Variants in ARHGAP35 observed in about 807,000 individuals in gnomAD.
ARHGAP35 encodes the protein Rho GTPase activating protein 35.
Under a neutral mutation model 111.1 loss-of-function variants are expected in ARHGAP35, and 15 were observed. That is an observed-to-expected ratio of 0.13 (90% CI 0.09 to 0.21). The LOEUF is 0.21. Among genes scored for constraint, ARHGAP35 ranks in the 10% least tolerant of loss-of-function variants. The pLI is 1.00. For missense variants in ARHGAP35, 1,262 were observed against 1,873.0 expected (o/e 0.67, Z 6.02); for synonymous variants, 643 against 710.3 (o/e 0.91, Z 1.51).
In ARHGAP35 at chr19:46,926,037, G is replaced by T. The variant is rs2056235999; in HGVS notation, c.3681+3681G>T. Among the ~76,000 whole-genome samples, 2 of 152,188 alleles carry T rather than the reference G, an allele frequency of 1.3e-5. No individual in the cohort carries two copies. Among genetic ancestry groups the T allele is most frequent in the Non-Finnish European group, 2.9e-5 (2 of 68,028 alleles). ...ACATTATCCGTCCCGTCTTTTGGAAGTTTTAACCTCATGCATTACTGAGCT... is the reference window on the plus strand; with the variant it reads ...ACATTATCCGTCCCGTCTTTTGGAATTTTTAACCTCATGCATTACTGAGCT... On this transcript the variant is annotated intron_variant, in intron 2 of 6. Coordinates refer to ENST00000672722, the MANE Select transcript of ARHGAP35 (RefSeq NM_004491.5). The surrounding 1 kb of genome is among the most constrained non-coding windows in gnomAD (Gnocchi z 4.1).
At chr19:46,863,029 C>T (rs1174611132) in intron 1 of ARHGAP35, among the ~76,000 whole-genome samples, 3 of 151,832 alleles carry the variant, frequency 2.0e-5, no homozygotes, top group African/African-American at 2.4e-5. Flanking sequence ...TTCTGTTCCT[C>T]TTGGACTTGT....
intron 1 of ARHGAP35, among the ~76,000 whole-genome samples, chr19:46,864,227 C>A (rs750618628): frequency 1.3e-5 from 2 of 152,090 alleles, no homozygotes; most frequent in Non-Finnish European, 2.9e-5. Context: ...CATTCCTGAG[C>A]GATTTTCTTT....
chr19:46,923,550 T>C (rs1188717484), intron 2 of ARHGAP35, among the ~76,000 whole-genome samples: 1 of 152,086 alleles, frequency 6.6e-6, no homozygotes, highest in Non-Finnish European at 1.5e-5. Flanking sequence ...TTTTCTTTTT[T>C]TTTTCCATTT....
intron 3 of ARHGAP35, among the ~76,000 whole-genome samples, chr19:46,967,280 G>T (rs549979256): frequency 2.5e-4 from 38 of 152,174 alleles, no homozygotes; most frequent in African/African-American, 9.2e-4. Context: ...AGCCCTCACC[G>T]TTACCATTTG....
chr19:46,867,660 T>A (rs1568456827), intron 1 of ARHGAP35, among the ~76,000 whole-genome samples: 2 of 152,332 alleles, frequency 1.3e-5, no homozygotes, highest in Non-Finnish European at 1.5e-5. Context: ...GCCTCTTATA[T>A]TATCTTTGAT....
chr19:46,962,284 A>G (rs1599849864), intron 3 of ARHGAP35, among the ~76,000 whole-genome samples: 1 of 152,254 alleles, frequency 6.6e-6, no homozygotes, highest in Non-Finnish European at 1.5e-5. Context: ...CTGTCTTGCC[A>G]TATGAGCAGC....
rs2056315017 is a variant in ARHGAP35, at chr19:46,937,279, C to T, written c.3697C>T (p.Pro1233Ser). 1.2e-6 allele frequency: 2 copies of T among 1,613,828 alleles called. No individual in the cohort carries two copies. Among genetic ancestry groups the T allele is most frequent in the Non-Finnish European group, 1.7e-6 (2 of 1,179,758 alleles). ...RRNTKKPKPK[P>S]RPSITKATWE... ...TCCTGGACAGAAACCAAAGCCCAAA[C>T]CCCGGCCATCCATCACAAAGGCAAC... Residue 1233 changes from proline to serine, a missense_variant, in exon 3 of 7, where the codon CCC becomes TCC. Pro to Ser is a moderately conservative substitution (Grantham distance 74). Coordinates refer to ENST00000672722, the MANE Select transcript of ARHGAP35 (RefSeq NM_004491.5).
intron 1 of ARHGAP35, among the ~76,000 whole-genome samples, chr19:46,909,808 T>C (rs961225263): frequency 2.0e-5 from 3 of 152,176 alleles, no homozygotes; most frequent in African/African-American, 7.2e-5. Context: ...TCTTCCTGTG[T>C]TGCCCAGGCT....
intron 1 of ARHGAP35, among the ~76,000 whole-genome samples, chr19:46,911,356 T>G (rs1416994142): frequency 6.6e-6 from 1 of 152,222 alleles, no homozygotes; most frequent in African/African-American, 2.4e-5. Flanking sequence ...ATATTGTATC[T>G]CAAGTAAATT....
At chr19:46,904,586 T>C (rs2056096358) in intron 1 of ARHGAP35, among the ~76,000 whole-genome samples, 1 of 152,170 alleles carries the variant, frequency 6.6e-6, no homozygotes, top group Non-Finnish European at 1.5e-5. Context: ...CAAAGGAGCA[T>C]CTCACACCAC....
intron 2 of ARHGAP35, among the ~76,000 whole-genome samples, chr19:46,928,171 T>C (rs1001371792): frequency 6.6e-6 from 1 of 152,198 alleles, no homozygotes; most frequent in Non-Finnish European, 1.5e-5. Context: ...AGTGTGTTTT[T>C]GGTGATAAAA....
At chr19:46,936,714 T>C (rs2056309657) in intron 2 of ARHGAP35, among the ~76,000 whole-genome samples, 1 of 152,184 alleles carries the variant, frequency 6.6e-6, no homozygotes, top group Non-Finnish European at 1.5e-5. Context: ...ATAAACATCT[T>C]TGTTCTAATA....
intron 3 of ARHGAP35, among the ~76,000 whole-genome samples, chr19:46,976,597 C>T (rs2056581234): frequency 6.6e-6 from 1 of 152,274 alleles, no homozygotes; most frequent in African/African-American, 2.4e-5. Context: ...GTCCCGGCTG[C>T]ACTCGCCTTC....
rs375420180 is a variant in ARHGAP35 at position 46,937,283 on chromosome 19, G to A, written c.3701G>A (p.Arg1234Gln). 24 of 1,613,646 alleles carry A rather than the reference G, an allele frequency of 1.5e-5. No homozygotes were observed. The highest frequency in any genetic ancestry group is 2.2e-5 in the East Asian group (1 of 44,874). The change falls in exon 3 of 7, where the codon CGG becomes CAG. Residue 1234 changes from arginine to glutamine, a missense_variant. This residue lies in a region of ARHGAP35 where 579 missense variants were observed against 716.9 expected (regional missense o/e 0.81). Transcript: ENST00000672722. The stretch of plus-strand genomic sequence containing the variant: ...GGACAGAAACCAAAGCCCAAACCCC[G>A]GCCATCCATCACAAAGGCAACCTGG... ...RNTKKPKPKP[R>Q]PSITKATWES...
chr19:46,922,346 G>A lies in ARHGAP35; in HGVS notation c.3671G>A (p.Arg1224Lys). The change falls in exon 2 of 7, where the codon AGG becomes AAG. Residue 1224 changes from arginine to lysine, a missense_variant. Transcript: ENST00000672722. This position sits in a 1 kb window ranked among gnomAD's most constrained non-coding sequence, Gnocchi z 4.0. ...RRRNILRSLR[R>K]NTKKPKPKPR... ...AGGAATATTCTTCGCAGCCTAAGGA[G>A]GAACACTAAGGTAAGACACCAGTCT... 6.3e-7 allele frequency: 1 copy of A among 1,595,112 alleles called. No individual in the cohort carries two copies.
chr19:46,873,159 A>G (rs533233561), intron 1 of ARHGAP35, among the ~76,000 whole-genome samples: 7 of 152,194 alleles, frequency 4.6e-5, no homozygotes, highest in South Asian at 2.1e-4. Flanking sequence ...TGCTTTTTTA[A>G]CACACTTTCC....
chr19:46,900,223 T>G lies in ARHGAP35; in HGVS notation c.-188-18265T>G, dbSNP rs1418609787. On this transcript the variant is annotated intron_variant, in intron 1 of 6. Transcript: ENST00000672722. Reference sequence around the variant, plus strand: ...ATAAATTTGTTTTTTGTTTTTTGGGTTTTTTTTTTTTTTTTTGAGATGGAG... The same window carrying G: ...ATAAATTTGTTTTTTGTTTTTTGGGGTTTTTTTTTTTTTTTTGAGATGGAG... 8.1e-5 allele frequency among the ~76,000 whole-genome samples: 5 copies of G among 61,838 alleles called. No individual in the cohort carries two copies. The South Asian group carries it at 2.0e-3, about 24-fold the overall frequency. The allele number at this position is 61,838 out of a possible 152,430, so 40.6% of individuals were successfully genotyped here. A position where few individuals can be genotyped will look rare whatever the true frequency, so the allele number is the denominator to read the frequency against.
intron 3 of ARHGAP35, among the ~76,000 whole-genome samples, chr19:46,961,278 C>T (rs1359162758): frequency 1.3e-5 from 2 of 152,120 alleles, no homozygotes; most frequent in Non-Finnish European, 2.9e-5. Flanking sequence ...ACTGCATTGG[C>T]TATCTATACA....
At chr19:46,899,735 A>G (rs563700438) in intron 1 of ARHGAP35, among the ~76,000 whole-genome samples, 4 of 152,168 alleles carry the variant, frequency 2.6e-5, no homozygotes, top group South Asian at 4.1e-4. Flanking sequence ...ACAAAAAAAA[A>G]AAGAAGAAGA....
Sources: gnomAD v4.1 joint callset for allele counts (sites outside exome capture counted in the v4.1 genomes callset) on GRCh38, gnomAD v4.1.1 for gene constraint, gnomAD v4.1.1 regional missense constraint, Gnocchi (gnomAD v3.1) non-coding constraint, MANE v1.5 for transcripts, NCBI Gene and HGNC (gene_info 2026-07-23, HGNC 2026-07-21) for gene names.